TDRD10: variants seen among roughly 807,000 people sequenced by gnomAD.
The protein encoded by TDRD10 is tudor domain containing 10, also known as tudor domain-containing protein 10.
In TDRD10, 40 loss-of-function variants were observed where a neutral mutation model predicts 48.0. The ratio of observed to expected loss-of-function variants is 0.83; its 90% CI spans 0.65 to 1.09. TDRD10 has a LOEUF of 1.09. Ranked by LOEUF, TDRD10 falls within the 50% of genes least tolerant of loss-of-function variation. The pLI is 0.00. For synonymous variants in TDRD10, 162 were observed against 170.4 expected (o/e 0.95, Z 0.38); for missense variants, 378 against 434.7 (o/e 0.87, Z 1.16).
intron 6 of TDRD10, among the ~76,000 whole-genome samples, chr1:154,541,449 G>A (rs917675565): frequency 2.6e-5 from 4 of 152,246 alleles, no homozygotes; most frequent in Middle Eastern, 3.4e-3. Flanking sequence ...CAAGGTGCGT[G>A]GGTGGTGGTG....
At chr1:154,506,801 C>T (rs1000172084) in intron 1 of TDRD10, 76 bp from the exon 2 acceptor site, 8 of 1,308,354 alleles carry the variant, frequency 6.1e-6, no homozygotes, top group Non-Finnish European at 8.9e-6. Flanking sequence ...TTCTGCTTAC[C>T]ACAGTACCTA....
intron 11 of TDRD10, among the ~76,000 whole-genome samples, chr1:154,547,143 T>C (rs1236103632): frequency 2.6e-5 from 4 of 152,296 alleles, no homozygotes; most frequent in African/African-American, 9.6e-5. Flanking sequence ...TCATTAAAAA[T>C]CCCAGATCCC....
intron 4 of TDRD10, among the ~76,000 whole-genome samples, chr1:154,512,408 G>A (rs913620099): frequency 6.6e-6 from 1 of 152,016 alleles, no homozygotes; most frequent in African/African-American, 2.4e-5. Flanking sequence ...GCAATGGCTC[G>A]ATCTTGGCTC....
At chr1:154,509,763 A>T in intron 4 of TDRD10, 1 of 980,806 alleles carries the variant, frequency 1.0e-6, no homozygotes, top group East Asian at 1.1e-4. Context: ...AGACGAGCCT[A>T]CTAGGGCTGG....
chr1:154,517,420 C>CTTT (rs991043116), intron 4 of TDRD10, among the ~76,000 whole-genome samples: 6 of 138,498 alleles, frequency 4.3e-5, no homozygotes, highest in Non-Finnish European at 7.9e-5. Flanking sequence ...GATATTAGAC[C>CTTT]TTTTTTTTTT....
At chr1:154,503,288 C>A (rs1189774038) in intron 1 of TDRD10, among the ~76,000 whole-genome samples, 1 of 152,064 alleles carries the variant, frequency 6.6e-6, no homozygotes, top group Non-Finnish European at 1.5e-5. Context: ...CCTTCGAAGC[C>A]CTTTAAAAGC....
intron 5 of TDRD10, 98 bp from the exon 6 acceptor site, chr1:154,521,225 A>G (rs1402654292): frequency 1.0e-5 from 12 of 1,205,224 alleles, no homozygotes; most frequent in Non-Finnish European, 1.4e-5. Context: ...GCAGAGAGAA[A>G]GGACACTGGC....
chr1:154,528,376 A>G (rs1476867756), intron 6 of TDRD10, among the ~76,000 whole-genome samples: 2 of 151,116 alleles, frequency 1.3e-5, no homozygotes, highest in Non-Finnish European at 2.9e-5. Context: ...GGCGTGCACC[A>G]CCACGCGCAG....
chr1:154,510,599 CA>C (rs1693409436), intron 4 of TDRD10, among the ~76,000 whole-genome samples: 1 of 149,928 alleles, frequency 6.7e-6, no homozygotes, highest in East Asian at 2.0e-4. Flanking sequence ...CTCAAAAAAA[CA>C]AAAACAAAAA....
At chr1:154,543,664 T>G (rs1452906096) in intron 8 of TDRD10, among the ~76,000 whole-genome samples, 1 of 152,164 alleles carries the variant, frequency 6.6e-6, no homozygotes, top group African/African-American at 2.4e-5. Flanking sequence ...CATTGAGGAC[T>G]TTTATCCACC....
chr1:154,532,970 AC>A (rs148569584), intron 6 of TDRD10, among the ~76,000 whole-genome samples: 29,479 of 150,886 alleles, frequency 0.2, 3,043 homozygotes, highest in South Asian at 0.24. Flanking sequence ...CACTTCTGAC[AC>A]CCCCCCCAGT....
chr1:154,542,293 T>A (rs181849083), intron 7 of TDRD10, among the ~76,000 whole-genome samples: 1 of 152,304 alleles, frequency 6.6e-6, no homozygotes, highest in East Asian at 1.9e-4. Flanking sequence ...AGTGGCATGG[T>A]CATAGCTCAC....
At chr1:154,505,022 A>C (rs1693063848) in intron 1 of TDRD10, among the ~76,000 whole-genome samples, 1 of 152,154 alleles carries the variant, frequency 6.6e-6, no homozygotes, top group Admixed American at 6.6e-5. Flanking sequence ...AAACTACACA[A>C]ATAGGTTACT....
chr1:154,520,057 A>G (rs77184252), intron 4 of TDRD10, among the ~76,000 whole-genome samples: 29,319 of 152,162 alleles, frequency 0.19, 3,068 homozygotes, highest in South Asian at 0.23. Flanking sequence ...CTGTATGTGC[A>G]GTGATGAAAC....
At chr1:154,532,997 G>A (rs1694724031) in intron 6 of TDRD10, among the ~76,000 whole-genome samples, 1 of 152,210 alleles carries the variant, frequency 6.6e-6, no homozygotes, top group Non-Finnish European at 1.5e-5. Context: ...GAGAGAGGGG[G>A]GCTTTCTCTC....
chr1:154,506,213 C>G (rs144161090), intron 1 of TDRD10, among the ~76,000 whole-genome samples: 1 of 152,214 alleles, frequency 6.6e-6, no homozygotes, highest in Non-Finnish European at 1.5e-5. Flanking sequence ...TGTGTTCATT[C>G]TGGAGGCTTT....
At chr1:154,519,647 A>G (rs1570922996) in intron 4 of TDRD10, among the ~76,000 whole-genome samples, 1 of 152,308 alleles carries the variant, frequency 6.6e-6, no homozygotes, top group East Asian at 1.9e-4. Flanking sequence ...AAATGGAGGC[A>G]TTAGGTGGAG....
intron 6 of TDRD10, among the ~76,000 whole-genome samples, chr1:154,530,196 G>A (rs925353002): frequency 1.3e-5 from 2 of 151,658 alleles, no homozygotes; most frequent in Admixed American, 6.6e-5. Context: ...TGTATTTTTC[G>A]TAGAGAGAGG....
chr1:154,540,449 T>C, intron 6 of TDRD10, among the ~76,000 whole-genome samples: 1 of 142,838 alleles, frequency 7.0e-6, no homozygotes, highest in African/African-American at 2.8e-5. Context: ...GGGAGGCGGA[T>C]TGCTTGAGCC....
Sources: gnomAD v4.1 joint callset for allele counts (sites outside exome capture counted in the v4.1 genomes callset) on GRCh38, gnomAD v4.1.1 for gene constraint, MANE v1.5 for transcripts, NCBI Gene and HGNC (gene_info 2026-07-23, HGNC 2026-07-21) for gene names.